Variants in EFCAB5 observed in about 807,000 individuals in gnomAD.
EFCAB5 encodes the protein EF-hand calcium binding domain 5.
EFCAB5 carries 131 observed loss-of-function variants against 167.9 expected under a neutral mutation model. The ratio of observed to expected loss-of-function variants is 0.78; its 90% CI spans 0.68 to 0.90. EFCAB5 has a LOEUF of 0.90. Among genes scored for constraint, EFCAB5 ranks in the 40% least tolerant of loss-of-function variants. The pLI is 0.00. For synonymous variants in EFCAB5, 574 were observed against 602.8 expected (o/e 0.95, Z 0.70); for missense variants, 1,663 against 1,745.2 (o/e 0.95, Z 0.84).
intron 1 of EFCAB5, among the ~76,000 whole-genome samples, chr17:29,932,447 G>A (rs965331670): frequency 4.5e-5 from 6 of 133,816 alleles, no homozygotes; most frequent in Admixed American, 8.3e-5. Flanking sequence ...CACTGTGCCC[G>A]GCTTTTTTTT....
chr17:30,050,896 T>C (rs2070074186), intron 8 of EFCAB5, among the ~76,000 whole-genome samples: 1 of 152,222 alleles, frequency 6.6e-6, no homozygotes, highest in Non-Finnish European at 1.5e-5. Flanking sequence ...CTTAAACATT[T>C]ACTAAGTAGA....
chr17:30,078,354 A>G lies in EFCAB5; in HGVS notation c.2877A>G (p.Glu959=). Residue 959 remains glutamate, a synonymous_variant, in exon 15 of 23, where the codon GAA becomes GAG. Transcript: ENST00000394835. ...ACCAAGTTCTGGAAAGTGTTGTGGAATTTCTGATGAATGCTTTAGAGAGGA... is the reference window on the plus strand; with the variant it reads ...ACCAAGTTCTGGAAAGTGTTGTGGAGTTTCTGATGAATGCTTTAGAGAGGA... The part of the protein sequence containing the change: ...NEDQVLESVV[E]FLMNALERSH... The G allele has an allele frequency of 6.2e-7, 1 of 1,613,978 alleles. No homozygotes were observed. The highest frequency in any genetic ancestry group is 1.1e-5 in the South Asian group (1 of 91,084).
intron 7 of EFCAB5, among the ~76,000 whole-genome samples, chr17:30,022,701 AT>A (rs2069210607): frequency 1.3e-5 from 2 of 152,212 alleles, no homozygotes; most frequent in Non-Finnish European, 2.9e-5. Flanking sequence ...AAAAGGTAGA[AT>A]ATACTGGTTT....
chr17:30,033,993 G>T (rs970174290), intron 7 of EFCAB5, among the ~76,000 whole-genome samples: 5 of 152,286 alleles, frequency 3.3e-5, no homozygotes, highest in Middle Eastern at 3.4e-3. Context: ...GAGGGAAATT[G>T]CTCCAAAAAT....
intron 8 of EFCAB5, among the ~76,000 whole-genome samples, chr17:30,050,827 G>A (rs984841890): frequency 2.0e-5 from 3 of 152,226 alleles, no homozygotes; most frequent in Non-Finnish European, 2.9e-5. Flanking sequence ...GGTCAGGTAA[G>A]ATAAGTACTG....
chr17:30,082,708 T>G (rs531468480), intron 17 of EFCAB5, among the ~76,000 whole-genome samples, 183 bp from the exon 18 acceptor site: 25 of 152,154 alleles, frequency 1.6e-4, no homozygotes, highest in Non-Finnish European at 3.2e-4. Context: ...TTTGATTTCT[T>G]GATGATCCTT....
intron 22 of EFCAB5, among the ~76,000 whole-genome samples, chr17:30,107,327 T>C (rs1401379448): frequency 1.3e-5 from 2 of 152,198 alleles, no homozygotes; most frequent in Non-Finnish European, 2.9e-5. Flanking sequence ...TATCCAACCT[T>C]AACACTATAT....
rs577235804 is a variant in EFCAB5, at chr17:30,081,718, C to T, written c.3426+737C>T. On this transcript the variant is annotated intron_variant, in intron 17 of 22. Transcript: ENST00000394835. ...TTTATTTACCATTATTTTTCACTTT[C>T]TCTTCCCATTTATTGGGTGGATAGT... 5.9e-5 allele frequency among the ~76,000 whole-genome samples: 9 copies of T among 152,240 alleles called. No homozygotes were observed. In the East Asian group the frequency reaches 1.7e-3, roughly 29 times the overall value.
At chr17:29,947,112 T>A (rs1207720529) in intron 3 of EFCAB5, among the ~76,000 whole-genome samples, 1 of 148,480 alleles carries the variant, frequency 6.7e-6, no homozygotes, top group Non-Finnish European at 1.5e-5. Context: ...AGGCAGAGGT[T>A]GCAGTGAGCT....
At chr17:29,968,168 G>T (rs1301516263) in intron 3 of EFCAB5, among the ~76,000 whole-genome samples, 1 of 152,082 alleles carries the variant, frequency 6.6e-6, no homozygotes, top group African/African-American at 2.4e-5. Context: ...GAGCCACTGC[G>T]CCCAGCCTTC....
chr17:30,040,828 G>T (rs567188343), intron 8 of EFCAB5, among the ~76,000 whole-genome samples: 39 of 152,310 alleles, frequency 2.6e-4, no homozygotes, highest in Middle Eastern at 6.8e-3. Context: ...GCTTACTCAG[G>T]CATGTCTGGA....
chr17:29,990,102 A>G (rs1185695813), intron 4 of EFCAB5, among the ~76,000 whole-genome samples: 2 of 152,174 alleles, frequency 1.3e-5, no homozygotes, highest in Admixed American at 6.5e-5. Context: ...TTGGTTGAAG[A>G]GTCTCAAGTT....
intron 3 of EFCAB5, among the ~76,000 whole-genome samples, chr17:29,959,539 T>G (rs780266760): frequency 3.0e-4 from 45 of 152,116 alleles, no homozygotes; most frequent in Non-Finnish European, 5.3e-4. Context: ...CATGGGCACT[T>G]TAGTCATCAG....
At chr17:30,103,650 A>G (rs2071408677) in intron 22 of EFCAB5, among the ~76,000 whole-genome samples, 1 of 152,244 alleles carries the variant, frequency 6.6e-6, no homozygotes, top group Non-Finnish European at 1.5e-5. Flanking sequence ...TATTAAATTA[A>G]CAATGACATA....
intron 7 of EFCAB5, among the ~76,000 whole-genome samples, chr17:30,003,654 C>A (rs9895153): frequency 0.081 from 12,106 of 150,014 alleles, 1,546 homozygotes; most frequent in African/African-American, 0.27. Flanking sequence ...CGTTTTTCTT[C>A]ATGTCTTTTA....
intron 6 of EFCAB5, among the ~76,000 whole-genome samples, chr17:29,998,941 A>C (rs1471444116): frequency 6.6e-6 from 1 of 152,212 alleles, no homozygotes; most frequent in Non-Finnish European, 1.5e-5. Flanking sequence ...ATTCATCATT[A>C]CTGATCACTC....
At chr17:30,016,093 A>T (rs542361915) in intron 7 of EFCAB5, among the ~76,000 whole-genome samples, 8 of 152,198 alleles carry the variant, frequency 5.3e-5, no homozygotes, top group African/African-American at 1.7e-4. Context: ...TTATTATTGG[A>T]TCATAACTGT....
intron 8 of EFCAB5, among the ~76,000 whole-genome samples, chr17:30,044,651 T>C (rs759632282): frequency 2.0e-4 from 31 of 151,992 alleles, no homozygotes; most frequent in Admixed American, 9.8e-4. Context: ...TTGGGAAAGA[T>C]GTGGAAAAAC....
intron 7 of EFCAB5, among the ~76,000 whole-genome samples, chr17:30,025,294 T>C (rs2069286910): frequency 6.6e-6 from 1 of 151,790 alleles, no homozygotes; most frequent in African/African-American, 2.4e-5. Flanking sequence ...ATATCCAGAA[T>C]CTACAATGAA....
Sources: allele counts gnomAD v4.1 joint callset (sites outside exome capture counted in the v4.1 genomes callset), GRCh38; gene constraint gnomAD v4.1.1; transcripts MANE v1.5; gene names NCBI Gene and HGNC (gene_info 2026-07-23, HGNC 2026-07-21).